The following RSPH3 variants were observed in gnomAD, a reference collection of about 807,000 sequenced individuals.
RSPH3 encodes radial spoke head protein 3 homolog.
In RSPH3, 21 loss-of-function variants were observed where a neutral mutation model predicts 43.8. That is an observed-to-expected ratio of 0.48 (90% CI 0.34 to 0.69). The LOEUF (loss-of-function observed/expected upper bound fraction) is 0.69. Among genes scored for constraint, RSPH3 ranks in the 30% least tolerant of loss-of-function variants. The pLI is 0.01. For synonymous variants in RSPH3, 173 were observed against 179.8 expected (o/e 0.96, Z 0.30); for missense variants, 487 against 516.0 (o/e 0.94, Z 0.54).
At chr6:158,985,798 T>TTC (rs201972962) in intron 3 of RSPH3, among the ~76,000 whole-genome samples, 17 of 147,910 alleles carry the variant, frequency 1.1e-4, no homozygotes, top group Admixed American at 6.8e-4. Flanking sequence ...GTCTATGTAT[T>TTC]TCTCTCTCTC....
At chr6:158,983,163 G>A (rs1778093115) in intron 4 of RSPH3, among the ~76,000 whole-genome samples, 1 of 151,934 alleles carries the variant, frequency 6.6e-6, no homozygotes, top group Non-Finnish European at 1.5e-5. Context: ...ACTCACTTAG[G>A]TCATTATGAA....
At chr6:158,987,029 T>G (rs908810534) in intron 2 of RSPH3, among the ~76,000 whole-genome samples, 1 of 152,172 alleles carries the variant, frequency 6.6e-6, no homozygotes, top group African/African-American at 2.4e-5. Context: ...CTTTTTCTTT[T>G]TTTCCTGATT....
intron 3 of RSPH3, among the ~76,000 whole-genome samples, chr6:158,984,695 A>G (rs1778169114): frequency 6.6e-6 from 1 of 151,726 alleles, no homozygotes; most frequent in African/African-American, 2.4e-5. Flanking sequence ...TGGGCATAGG[A>G]CTTGGCCAAG....
chr6:158,985,813 TC>T (rs1778213316), intron 3 of RSPH3, among the ~76,000 whole-genome samples: 1 of 146,718 alleles, frequency 6.8e-6, no homozygotes, highest in Admixed American at 6.8e-5. Context: ...TCTCTCTCTC[TC>T]TCTTTTTTTT....
rs144758659 is a variant in RSPH3 at position 158,986,954 on chromosome 6, C to T, written c.205-533G>A. Among the ~76,000 whole-genome samples, 497 of 152,298 alleles carry T rather than the reference C, an allele frequency of 3.3e-3. 2 individuals carry two copies. The highest frequency in any genetic ancestry group is 0.011 in the African/African-American group (466 of 41,566). On this transcript the variant is annotated intron_variant, in intron 2 of 7. Coordinates refer to ENST00000367069, the MANE Select transcript of RSPH3 (RefSeq NM_031924.8). ...TACTCTGCAGAAGATGGATAAAATG[C>T]TCTATAAATATCAGTTAGTCCTAAT...
At chr6:158,969,936 G>A (rs1028105500), downstream of RSPH3, among the ~76,000 whole-genome samples, 7 of 152,034 alleles carry the variant, frequency 4.6e-5, no homozygotes, top group African/African-American at 1.7e-4. Flanking sequence ...TTTAGACATG[G>A]TTTTCTTTAG....
In RSPH3 at chr6:158,973,111, G is replaced by A. The variant is rs549278730; in HGVS notation, c.*4427C>T. 1.1e-4 allele frequency: 16 copies of A among 152,340 alleles called. No homozygotes were observed. In the East Asian group the frequency reaches 3.1e-3, roughly 29 times the overall value. The allele number at this position is 152,340 out of a possible 1,614,324, so 9.4% of individuals were successfully genotyped here. A position where few individuals can be genotyped will look rare whatever the true frequency, so the allele number is the denominator to read the frequency against. Reference sequence around the variant, plus strand: ...AGAAATAACAGATGCTAATTAGTTAGTGGGGAAGTGAAGCTCATGTTTAGG... The same window carrying A: ...AGAAATAACAGATGCTAATTAGTTAATGGGGAAGTGAAGCTCATGTTTAGG... On this transcript the variant is annotated 3_prime_UTR_variant, in exon 8 of 8. Transcript: ENST00000367069.
rs1035290026 is a variant in RSPH3 at position 158,976,622 on chromosome 6, G to A, written c.*916C>T. ...TACCTTTGAGGAGGGGAGTGAGACTGTATGAGGGCAAACAGGGACTTTTGC... is the reference window on the plus strand; with the variant it reads ...TACCTTTGAGGAGGGGAGTGAGACTATATGAGGGCAAACAGGGACTTTTGC... On this transcript the variant is annotated 3_prime_UTR_variant, in exon 8 of 8. Transcript: ENST00000367069. 2.0e-5 allele frequency: 3 copies of A among 152,176 alleles called. No individual in the cohort carries two copies. Among genetic ancestry groups the A allele is most frequent in the Admixed American group, 2.0e-4 (3 of 15,278 alleles). The allele number at this position is 152,176 out of a possible 1,614,324, so 9.4% of individuals were successfully genotyped here. A position where few individuals can be genotyped will look rare whatever the true frequency, so the allele number is the denominator to read the frequency against.
At position 158,973,932 on chromosome 6, in the gene RSPH3, G is replaced by C. The variant is rs758488940; in HGVS notation, c.*3606C>G. On this transcript the variant is annotated 3_prime_UTR_variant, in exon 8 of 8. Transcript: ENST00000367069. The stretch of plus-strand genomic sequence containing the variant: ...AGTGATTCTTATGCCTCAGTCTCCC[G>C]AGTAGCTGGGATTATAGGCATGCGT... 1 of 151,576 alleles carries C rather than the reference G, an allele frequency of 6.6e-6. No individual in the cohort carries two copies. The highest frequency in any genetic ancestry group is 1.5e-5 in the Non-Finnish European group (1 of 67,952). 9.4% of individuals were successfully genotyped at this position (151,576 alleles called of 1,614,324 possible). A position where few individuals can be genotyped will look rare whatever the true frequency, so the allele number is the denominator to read the frequency against.
rs377747951 is a variant in RSPH3 at position 158,999,977 on chromosome 6, C to G, written c.-427G>C. On this transcript the variant is annotated 5_prime_UTR_variant, in exon 1 of 8. Transcript: ENST00000367069. ...CGGCCTTGGCTGGCTTGACCGTCATCCTTGAGGCCTGCGGGGCAACGGTGG... is the reference window on the plus strand; with the variant it reads ...CGGCCTTGGCTGGCTTGACCGTCATGCTTGAGGCCTGCGGGGCAACGGTGG... 37 of 1,580,506 alleles carry G rather than the reference C, an allele frequency of 2.3e-5. No individual in the cohort carries two copies. Among genetic ancestry groups the G allele is most frequent in the South Asian group, 3.5e-5 (3 of 86,660 alleles).
downstream of RSPH3, among the ~76,000 whole-genome samples, chr6:158,970,224 T>C (rs1272470844): frequency 6.6e-6 from 1 of 152,240 alleles, no homozygotes; most frequent in Non-Finnish European, 1.5e-5. Context: ...GGAAAAATTT[T>C]GTAAAATTTG....
chr6:158,972,004 G>GA (rs1246463788), downstream of RSPH3, among the ~76,000 whole-genome samples: 4 of 151,522 alleles, frequency 2.6e-5, no homozygotes, highest in East Asian at 1.9e-4. Flanking sequence ...CTCATTGGGA[G>GA]AAAAAAAACT....
chr6:158,972,813 CT>C (rs1426604863), downstream of RSPH3: 2 of 152,156 alleles, frequency 1.3e-5, no homozygotes, highest in African/African-American at 4.8e-5. Flanking sequence ...ATTAGCTTAT[CT>C]TTTAACTCAT....
intron 2 of RSPH3, among the ~76,000 whole-genome samples, chr6:158,991,673 A>T (rs1337461691): frequency 6.6e-6 from 1 of 152,212 alleles, no homozygotes; most frequent in Non-Finnish European, 1.5e-5. Context: ...CCTCATTGGT[A>T]CTGGGTGAAG....
chr6:158,996,236 T>C (rs558242919), intron 1 of RSPH3, among the ~76,000 whole-genome samples: 51 of 152,364 alleles, frequency 3.3e-4, no homozygotes, highest in South Asian at 8.3e-4. Context: ...ATTTGTAAAA[T>C]GAGGGAATGT....
chr6:158,964,214 A>C, the RSPH3 span, among the ~76,000 whole-genome samples: 4 of 152,202 alleles, frequency 2.6e-5, no homozygotes, highest in Non-Finnish European at 5.9e-5. Context: ...CCTCTCCTCT[A>C]ATATAATCTC....
chr6:158,995,721 A>G (rs554861586), intron 1 of RSPH3, among the ~76,000 whole-genome samples: 1 of 151,976 alleles, frequency 6.6e-6, no homozygotes, highest in South Asian at 2.1e-4. Flanking sequence ...CAGCCTCCCG[A>G]GTAGCTGGGA....
At chr6:158,963,042 C>T in the RSPH3 span, among the ~76,000 whole-genome samples, 2 of 152,162 alleles carry the variant, frequency 1.3e-5, no homozygotes, top group Admixed American at 1.3e-4. Context: ...GCTTCAATGA[C>T]CAGCAGTAGG....
the RSPH3 span, among the ~76,000 whole-genome samples, chr6:158,966,665 C>A: frequency 1.4e-4 from 21 of 151,716 alleles, no homozygotes; most frequent in South Asian, 6.2e-4. Flanking sequence ...GGTAAAATAT[C>A]ATTTCCTTCA....
Sources: allele counts gnomAD v4.1 joint callset (sites outside exome capture counted in the v4.1 genomes callset), GRCh38; gene constraint gnomAD v4.1.1; transcripts MANE v1.5; gene names NCBI Gene and HGNC (gene_info 2026-07-23, HGNC 2026-07-21).